The following MYOCOS variants were observed in gnomAD, a reference collection of about 807,000 sequenced individuals.
MYOCOS encodes myocilin opposite strand protein.
rs564013217 is a variant in MYOCOS, at chr1:171,611,256, G to A, written c.-251-3542G>A. Among the ~76,000 whole-genome samples, 3 of 152,228 alleles carry A rather than the reference G, an allele frequency of 2.0e-5. No individual in the cohort carries two copies. The East Asian group carries it at 5.8e-4, about 29-fold the overall frequency. ...ATAAGAGACTCCTTGGACAAACATA[G>A]GGATAAATTCAGGGAGAGGTGCTGG... On this transcript the variant is annotated intron_variant, in intron 1 of 3. Coordinates refer to the MYOCOS transcript ENST00000636697.
intron 1 of MYOCOS, among the ~76,000 whole-genome samples, chr1:171,611,336 C>T (rs528645210): frequency 6.6e-6 from 1 of 152,164 alleles, no homozygotes; most frequent in South Asian, 2.1e-4. Context: ...TCCCTTAGGC[C>T]CTACTTGTGC....
rs188583117 is a variant in MYOCOS at position 171,609,257 on chromosome 1, T to C, written c.-251-5541T>C. Among the ~76,000 whole-genome samples, 614 of 152,348 alleles carry C rather than the reference T, an allele frequency of 4.0e-3. 6 individuals are homozygous for C. Among genetic ancestry groups the C allele is most frequent in the Non-Finnish European group, 5.0e-3 (340 of 68,034 alleles). ...AACTGGACAAGCATGTACTAAAAGA[T>C]CCATCACAAATAACCTGGGAGCCAA... is the stretch of plus-strand genomic sequence containing the variant. On this transcript the variant is annotated intron_variant, in intron 1 of 3. Coordinates refer to the MYOCOS transcript ENST00000636697.
Position 171,612,644 on chromosome 1 carries a change from G to A in MYOCOS, c.-251-2154G>A, listed in dbSNP as rs1364643858. ...AGTTCGAGACCAGCCTGACCAACAC[G>A]GTGAAACACCATCTCTACTAAAAAT... is the stretch of plus-strand genomic sequence containing the variant. On this transcript the variant is annotated intron_variant, in intron 1 of 3. Coordinates refer to the MYOCOS transcript ENST00000636697. Among the ~76,000 whole-genome samples, 5 of 151,858 alleles carry A rather than the reference G, an allele frequency of 3.3e-5. No individual in the cohort carries two copies. The East Asian group carries it at 5.9e-4, about 18-fold the overall frequency.
intron 2 of MYOCOS, among the ~76,000 whole-genome samples, chr1:171,615,914 G>GT (rs1024600640): frequency 3.3e-5 from 5 of 152,010 alleles, no homozygotes; most frequent in African/African-American, 1.2e-4. Flanking sequence ...AAAGGATGGG[G>GT]TTGCCATTAA....
chr1:171,621,134 C>T (rs988695184), upstream of MYOCOS, among the ~76,000 whole-genome samples: 6 of 152,058 alleles, frequency 3.9e-5, no homozygotes, highest in Non-Finnish European at 5.9e-5. Context: ...TAAAACCAAG[C>T]TGCACCCCGA....
chr1:171,605,704 T>C (rs935631962), intron 1 of MYOCOS, among the ~76,000 whole-genome samples: 1 of 152,058 alleles, frequency 6.6e-6, no homozygotes, highest in East Asian at 1.9e-4. Flanking sequence ...ATTGAAAAGA[T>C]GACGAATGAC....
chr1:171,620,626 T>G (rs560474174), upstream of MYOCOS, among the ~76,000 whole-genome samples: 86 of 151,892 alleles, frequency 5.7e-4, no homozygotes, highest in African/African-American at 1.9e-3. Context: ...ACATTCCCTT[T>G]CCATCAATCC....
chr1:171,602,412 G>C (rs1421207795), intron 1 of MYOCOS, among the ~76,000 whole-genome samples: 4 of 151,956 alleles, frequency 2.6e-5, no homozygotes, highest in African/African-American at 9.7e-5. Context: ...TACATTAAAA[G>C]GTTAAAAAAA....
At chr1:171,609,446 G>A (rs1251795578) in intron 1 of MYOCOS, among the ~76,000 whole-genome samples, 2 of 152,130 alleles carry the variant, frequency 1.3e-5, no homozygotes. Context: ...GTCTCTGGTG[G>A]ATGTATTCCC....
rs536374529 is a variant in MYOCOS, at chr1:171,615,519, C to A, written c.-44+514C>A. Among the ~76,000 whole-genome samples, 4 of 152,348 alleles carry A rather than the reference C, an allele frequency of 2.6e-5. No homozygotes were observed. In the East Asian group the frequency reaches 7.7e-4, roughly 29 times the overall value. The stretch of plus-strand genomic sequence containing the variant: ...ACAAGGAAGTAAAATCAAAGACAGG[C>A]AGCCCGGTGCCAGGCCTGAAACCAG... On this transcript the variant is annotated intron_variant, in intron 2 of 3. Coordinates refer to the MYOCOS transcript ENST00000636697.
At chr1:171,621,374 G>GTTTT (rs397974158), upstream of MYOCOS, among the ~76,000 whole-genome samples, 359 of 115,134 alleles carry the variant, frequency 3.1e-3, 14 homozygotes, top group African/African-American at 4.1e-3. Flanking sequence ...TCTATGGTGG[G>GTTTT]TTTTTTTTTT....
intron 1 of MYOCOS, among the ~76,000 whole-genome samples, chr1:171,614,610 C>A (rs998213854): frequency 6.6e-6 from 1 of 152,168 alleles, no homozygotes; most frequent in Non-Finnish European, 1.5e-5. Context: ...AGAGCAATGC[C>A]TGGAGAGGCA....
Position 171,615,414 on chromosome 1 carries a change from C to T in MYOCOS, c.-44+409C>T, listed in dbSNP as rs537691371. Among the ~76,000 whole-genome samples, 130 of 152,168 alleles carry T rather than the reference C, an allele frequency of 8.5e-4. 2 individuals are homozygous for T. In the South Asian group the frequency reaches 0.016, roughly 18 times the overall value. ...AGACAAAGATGACTTCTAGATTTGG[C>T]GCTTGTGCTGCTGAAAGTGAGGGAA... On this transcript the variant is annotated intron_variant, in intron 2 of 3. Coordinates refer to the MYOCOS transcript ENST00000636697.
Position 171,623,176 on chromosome 1 carries a change from G to C in MYOCOS, c.-43-665G>C, listed in dbSNP as rs1370571026. 3.3e-5 allele frequency among the ~76,000 whole-genome samples: 5 copies of C among 152,054 alleles called. No individual in the cohort carries two copies. The South Asian group carries it at 1.0e-3, about 32-fold the overall frequency. ...AGCTCTGCTACACTCCAGCCTTGGT[G>C]ACAGAGCCAGACCCTGTTTCAAAAA... On this transcript the variant is annotated intron_variant, in intron 1 of 2. Transcript: ENST00000637642.
At chr1:171,623,180 G>A (rs1412040214) in intron 1 of MYOCOS, among the ~76,000 whole-genome samples, 1 of 152,030 alleles carries the variant, frequency 6.6e-6, no homozygotes, top group African/African-American at 2.4e-5. Flanking sequence ...CTTGGTGACA[G>A]AGCCAGACCC....
chr1:171,614,186 T>A (rs941843827), intron 1 of MYOCOS, among the ~76,000 whole-genome samples: 1 of 152,236 alleles, frequency 6.6e-6, no homozygotes, highest in African/African-American at 2.4e-5. Context: ...GAGGTCCACA[T>A]TGCCTGGTAA....
rs185576547 is a variant in MYOCOS at position 171,611,998 on chromosome 1, G to A, written c.-251-2800G>A. ...CATGGTAGTCTTCAGACTGGTTTTT[G>A]TAGGGGCCAGAGAAATAAATTCAAC... On this transcript the variant is annotated intron_variant, in intron 1 of 3. Transcript: ENST00000636697. 7.2e-5 allele frequency among the ~76,000 whole-genome samples: 11 copies of A among 152,272 alleles called. No homozygotes were observed. In the East Asian group the frequency reaches 1.7e-3, roughly 24 times the overall value.
At chr1:171,618,397 C>T (rs961480595), upstream of MYOCOS, among the ~76,000 whole-genome samples, 1 of 152,154 alleles carries the variant, frequency 6.6e-6, no homozygotes, top group Non-Finnish European at 1.5e-5. Flanking sequence ...TGAGAATAAC[C>T]GAGTCACATT....
Position 171,605,395 on chromosome 1 carries a change from A to ACACACACACACACAC in MYOCOS, c.-252+4315_-252+4316insCACACACACACACAC, listed in dbSNP as rs1553253249. ...GTACCACACACACACACACACACAC[A>ACACACACACACACAC]AAAAAAAAAAAACAGTTACATGATA... is the stretch of plus-strand genomic sequence containing the variant. On this transcript the variant is annotated intron_variant, in intron 1 of 3. Transcript: ENST00000636697. 6.7e-4 allele frequency among the ~76,000 whole-genome samples: 77 copies of ACACACACACACACAC among 114,756 alleles called. No homozygotes were observed. The South Asian group carries it at 0.021, about 32-fold the overall frequency. The allele number at this position is 114,756 out of a possible 152,430, so 75.3% of individuals were successfully genotyped here.
Sources: allele counts gnomAD v4.1 joint callset (sites outside exome capture counted in the v4.1 genomes callset), GRCh38; gene constraint gnomAD v4.1.1; transcripts MANE v1.5; gene names NCBI Gene and HGNC (gene_info 2026-07-23, HGNC 2026-07-21).